ZC3H12D: variants seen among roughly 807,000 people sequenced by gnomAD.
The protein encoded by ZC3H12D is zinc finger CCCH-type containing 12D, also known as probable ribonuclease ZC3H12D.
A neutral mutation model predicts 24.2 loss-of-function variants in ZC3H12D; 11 were observed. The ratio of observed to expected loss-of-function variants is 0.46; its 90% CI spans 0.29 to 0.75. ZC3H12D has a LOEUF of 0.75. ZC3H12D is among the 30% of genes least tolerant of loss of function. The pLI is 0.11. For missense variants in ZC3H12D, 740 were observed against 767.7 expected (o/e 0.96, Z 0.43); for synonymous variants, 333 against 341.8 (o/e 0.97, Z 0.28).
chr6:149,452,304 G>A lies in ZC3H12D; in HGVS notation c.787+312C>T, dbSNP rs542682232. 4 of 300,360 alleles carry A rather than the reference G, an allele frequency of 1.3e-5. No homozygotes were observed. The South Asian group carries it at 3.3e-4, about 25-fold the overall frequency. 18.6% of individuals were successfully genotyped at this position (300,360 alleles called of 1,614,324 possible). On this transcript the variant is annotated intron_variant, in intron 5 of 5. Coordinates refer to ENST00000409806, the MANE Select transcript of ZC3H12D (RefSeq NM_207360.3). The surrounding 1 kb of genome is among the most constrained non-coding windows in gnomAD (Gnocchi z 4.0). The stretch of plus-strand genomic sequence containing the variant: ...GAGGACAGAAGCTGCCAGGGGCCAG[G>A]TGAAGGGACTGAGACCCGCAGCTGG...
rs754333647 is a variant in ZC3H12D at position 149,451,338 on chromosome 6, C to G, written c.929G>C (p.Arg310Thr). The change falls in exon 6 of 6, where the codon AGA becomes ACA. Residue 310 changes from arginine (R) to threonine (T), a missense_variant. Arg to Thr is a moderately conservative substitution (Grantham distance 71). Coordinates refer to ENST00000409806, the MANE Select transcript of ZC3H12D (RefSeq NM_207360.3). ...GGCTCCTGCGGAGCCGCCCGGGGCT[C>G]TCGGTGGCCGCTGCTCCTCGGCGCC... ...GAGAEEQRPP[R>T]APGGSAGARA... is the part of the protein sequence containing the mutation. 4 of 1,446,870 alleles carry G rather than the reference C, an allele frequency of 2.8e-6. No homozygotes were observed. In the South Asian group the frequency reaches 4.1e-5, roughly 15 times the overall value. The allele number at this position is 1,446,870 out of a possible 1,614,324, so 89.6% of individuals were successfully genotyped here. A position where few individuals can be genotyped will look rare whatever the true frequency, so the allele number is the denominator to read the frequency against.
intron 2 of ZC3H12D, among the ~76,000 whole-genome samples, chr6:149,462,909 G>GT (rs1226097731): frequency 6.6e-6 from 1 of 152,164 alleles, no homozygotes; most frequent in Non-Finnish European, 1.5e-5. Context: ...TATTTTTGAG[G>GT]TTTTGGGCCT....
At chr6:149,465,994 AG>A (rs1776155875) in intron 2 of ZC3H12D, among the ~76,000 whole-genome samples, 1 of 152,094 alleles carries the variant, frequency 6.6e-6, no homozygotes, top group Non-Finnish European at 1.5e-5. Flanking sequence ...CAGAGAAACC[AG>A]GTTTCTGCAA....
At chr6:149,477,319 C>A (rs1776357479) in intron 1 of ZC3H12D, among the ~76,000 whole-genome samples, 1 of 152,244 alleles carries the variant, frequency 6.6e-6, no homozygotes, top group Non-Finnish European at 1.5e-5. Flanking sequence ...CGGCGTCCAC[C>A]TGCTCACCTC....
chr6:149,482,303 C>A (rs895109150), intron 1 of ZC3H12D, among the ~76,000 whole-genome samples: 1 of 152,262 alleles, frequency 6.6e-6, no homozygotes, highest in Non-Finnish European at 1.5e-5. Flanking sequence ...AGCCTTCCCC[C>A]GGGACGTGAT....
rs371954872 is a variant in ZC3H12D, at chr6:149,449,925, C to CTGTGTGTGTGTGTGTGTGTGTGTGTGTG, written c.*730_*757dup. The CTGTGTGTGTGTGTGTGTGTGTGTGTGTG allele has an allele frequency of 2.8e-5, 4 of 143,990 alleles. No homozygotes were observed. Among genetic ancestry groups the CTGTGTGTGTGTGTGTGTGTGTGTGTGTG allele is most frequent in the South Asian group, 2.2e-4 (1 of 4,476 alleles). The allele number at this position is 143,990 out of a possible 1,614,324, so 8.9% of individuals were successfully genotyped here. A position where few individuals can be genotyped will look rare whatever the true frequency, so the allele number is the denominator to read the frequency against. Reference sequence around the variant, plus strand: ...TGTGAGTATGTACATGTATGATAGACTGTGTGTGTGTGTGTGTGTGTGTGT... The same window carrying CTGTGTGTGTGTGTGTGTGTGTGTGTGTG: ...TGTGAGTATGTACATGTATGATAGACTGTGTGTGTGTGTGTGTGTGTGTGTGTGTGTGTGTGTGTGTGTGTGTGTGTGT... On this transcript the variant is annotated 3_prime_UTR_variant, in exon 6 of 6. Transcript: ENST00000409806.
intron 2 of ZC3H12D, among the ~76,000 whole-genome samples, chr6:149,469,253 C>T (rs920563832): frequency 3.3e-5 from 5 of 152,068 alleles, no homozygotes; most frequent in Non-Finnish European, 7.4e-5. Flanking sequence ...GTCAGGAGAT[C>T]GAGACCATCC....
Position 149,456,971 on chromosome 6 carries a change from AGGCCACCCGCTTCCCG to A in ZC3H12D, c.446-87_446-72del. The A allele has an allele frequency of 6.9e-7, 1 of 1,457,282 alleles. No homozygotes were observed. The allele number at this position is 1,457,282 out of a possible 1,614,324, so 90.3% of individuals were successfully genotyped here. On this transcript the variant is annotated intron_variant, in intron 3 of 5. Transcript: ENST00000409806. This position sits in a 1 kb window ranked among gnomAD's most constrained non-coding sequence, Gnocchi z 4.3. ...GCCCCTGAGAACCACCCCCAACGCG[AGGCCACCCGCTTCCCG>A]GGCCGGTCAGATGAGGTTTTGAGGG...
chr6:149,468,052 G>C (rs1776188479), intron 2 of ZC3H12D, among the ~76,000 whole-genome samples: 1 of 152,146 alleles, frequency 6.6e-6, no homozygotes, highest in African/African-American at 2.4e-5. Flanking sequence ...CGCAATCTCA[G>C]CTCACCACAA....
chr6:149,456,609 G>GGC lies in ZC3H12D; in HGVS notation c.680+56_680+57insGC. The GGC allele has an allele frequency of 7.2e-7, 1 of 1,384,792 alleles. No individual in the cohort carries two copies. Among genetic ancestry groups the GGC allele is most frequent in the Non-Finnish European group, 1.0e-6 (1 of 1,001,502 alleles). 85.8% of individuals were successfully genotyped at this position (1,384,792 alleles called of 1,614,324 possible). A position where few individuals can be genotyped will look rare whatever the true frequency, so the allele number is the denominator to read the frequency against. ...TGGTAGCAGGCGTGGCCACTGCCTC[G>GGC]ACCCCGGCCCCCCGCCCCGCCGCCC... On this transcript the variant is annotated intron_variant, in intron 4 of 5. Coordinates refer to ENST00000409806, the MANE Select transcript of ZC3H12D (RefSeq NM_207360.3). This position sits in a 1 kb window ranked among gnomAD's most constrained non-coding sequence, Gnocchi z 4.3.
At chr6:149,459,930 T>C (rs1471124933) in intron 3 of ZC3H12D, among the ~76,000 whole-genome samples, 9 of 151,274 alleles carry the variant, frequency 5.9e-5, no homozygotes, top group African/African-American at 2.4e-5. Flanking sequence ...GATATAGTCA[T>C]GCACTGCATA....
At position 149,449,969 on chromosome 6, in the gene ZC3H12D, GGTAT is replaced by G; in HGVS notation, c.*710_*713del. ...TGTGTGTGTGTGTTTGTGTGGTGGG[GGTAT>G]GTGTGTGAAGGCCCCAGAAGGTGGC... On this transcript the variant is annotated 3_prime_UTR_variant, in exon 6 of 6. Coordinates refer to ENST00000409806, the MANE Select transcript of ZC3H12D (RefSeq NM_207360.3). The G allele has an allele frequency of 6.7e-6, 1 of 149,258 alleles. No individual in the cohort carries two copies. The highest frequency in any genetic ancestry group is 6.6e-5 in the Admixed American group (1 of 15,060). 9.2% of individuals were successfully genotyped at this position (149,258 alleles called of 1,614,324 possible).
intron 2 of ZC3H12D, among the ~76,000 whole-genome samples, chr6:149,468,173 G>T (rs909917938): frequency 3.9e-5 from 6 of 152,170 alleles, no homozygotes; most frequent in Admixed American, 6.5e-5. Flanking sequence ...TAGAGACGGG[G>T]TTTCTCCACG....
chr6:149,451,070 G>T lies in ZC3H12D; in HGVS notation c.1197C>A (p.Ser399=). ...LSLPSPESQF[S]PGDLPPPPGL... is the part of the protein sequence containing the mutation. Reference sequence around the variant, plus strand: ...CGGGCGGAGGCGGGAGGTCGCCCGGGGAGAACTGGCTCTCCGGGCTAGGGA... The same window carrying T: ...CGGGCGGAGGCGGGAGGTCGCCCGGTGAGAACTGGCTCTCCGGGCTAGGGA... The change falls in exon 6 of 6, where the codon TCC becomes TCA. Residue 399 remains serine (S), a synonymous_variant. Transcript: ENST00000409806. 7.1e-7 allele frequency: 1 copy of T among 1,401,224 alleles called. No homozygotes were observed. 86.8% of individuals were successfully genotyped at this position (1,401,224 alleles called of 1,614,324 possible). A position where few individuals can be genotyped will look rare whatever the true frequency, so the allele number is the denominator to read the frequency against.
At chr6:149,477,653 G>T (rs889049798) in intron 1 of ZC3H12D, among the ~76,000 whole-genome samples, 1 of 151,944 alleles carries the variant, frequency 6.6e-6, no homozygotes, top group African/African-American at 2.4e-5. Context: ...CCTATATTCC[G>T]ATGGGCCCCA....
In ZC3H12D at chr6:149,477,384, C is replaced by A. The variant is rs570552257; in HGVS notation, c.-70-2771G>T. On this transcript the variant is annotated intron_variant, in intron 1 of 5. Coordinates refer to ENST00000409806, the MANE Select transcript of ZC3H12D (RefSeq NM_207360.3). ...CACCACGTGAAACAATGAAACTGAC[C>A]CCAGGGGCACCAGCCCCTTCTAACT... Among the ~76,000 whole-genome samples, 16 of 152,358 alleles carry A rather than the reference C, an allele frequency of 1.1e-4. No homozygotes were observed. The South Asian group carries it at 3.3e-3, about 32-fold the overall frequency.
rs1381431243 is a variant in ZC3H12D at position 149,452,529 on chromosome 6, A to T, written c.787+87T>A. The T allele has an allele frequency of 6.1e-6, 7 of 1,140,626 alleles. No homozygotes were observed. In the Admixed American group the frequency reaches 1.7e-4, roughly 27 times the overall value. The allele number at this position is 1,140,626 out of a possible 1,614,324, so 70.7% of individuals were successfully genotyped here. ...TGGGCAAGAGCCCAGGCCGCTGAGC[A>T]CCAGGCCAGCGCTTTTTGACTGTGC... On this transcript the variant is annotated intron_variant, in intron 5 of 5. Coordinates refer to ENST00000409806, the MANE Select transcript of ZC3H12D (RefSeq NM_207360.3). This position sits in a 1 kb window ranked among gnomAD's most constrained non-coding sequence, Gnocchi z 4.0.
chr6:149,456,623 G>GGGGTGAGGA lies in ZC3H12D; in HGVS notation c.680+42_680+43insTCCTCACCC. ...GCCACTGCCTCGACCCCGGCCCCCC[G>GGGGTGAGGA]CCCCGCCGCCCCCCAGGGTGTCAGG... On this transcript the variant is annotated intron_variant, in intron 4 of 5. Coordinates refer to ENST00000409806, the MANE Select transcript of ZC3H12D (RefSeq NM_207360.3). The surrounding 1 kb of genome is among the most constrained non-coding windows in gnomAD (Gnocchi z 4.3). 1.3e-6 allele frequency: 1 copy of GGGGTGAGGA among 744,588 alleles called. No homozygotes were observed. 46.1% of individuals were successfully genotyped at this position (744,588 alleles called of 1,614,324 possible).
chr6:149,476,966 A>G (rs1209325315), intron 1 of ZC3H12D, among the ~76,000 whole-genome samples: 1 of 152,246 alleles, frequency 6.6e-6, no homozygotes, highest in Non-Finnish European at 1.5e-5. Context: ...GAATGAATGA[A>G]TGAATGAGTG....
Sources: allele counts gnomAD v4.1 joint callset (sites outside exome capture counted in the v4.1 genomes callset), GRCh38; gene constraint gnomAD v4.1.1; non-coding constraint Gnocchi (gnomAD v3.1); transcripts MANE v1.5; gene names NCBI Gene and HGNC (gene_info 2026-07-23, HGNC 2026-07-21).